Variants in SAXO1 observed in about 807,000 individuals in gnomAD.
SAXO1 encodes the protein stabilizer of axonemal microtubules 1.
A neutral mutation model predicts 17.5 loss-of-function variants in SAXO1; 21 were observed. That is an observed-to-expected ratio of 1.20 (90% CI 0.85 to 1.72). The LOEUF is 1.72. SAXO1 is among the 40% of genes most tolerant of loss of function. The pLI is 0.00. For missense variants in SAXO1, 843 were observed against 596.0 expected (o/e 1.41, Z -4.32); for synonymous variants, 274 against 216.5 (o/e 1.27, Z -2.33).
chr9:19,016,412 G>GAGTGCACATTTTTGATT (rs1834977235), intron 1 of SAXO1, among the ~76,000 whole-genome samples: 1 of 152,068 alleles, frequency 6.6e-6, no homozygotes, highest in African/African-American at 2.4e-5. Context: ...CTCCAGCATG[G>GAGTGCACATTTTTGATT]GCGACAGAGC....
At chr9:18,975,833 T>C (rs747468456) in intron 1 of SAXO1, among the ~76,000 whole-genome samples, 1 of 152,170 alleles carries the variant, frequency 6.6e-6, no homozygotes, top group Non-Finnish European at 1.5e-5. Context: ...CTGAAAGTTG[T>C]GCTGAGCGAA....
intron 1 of SAXO1, among the ~76,000 whole-genome samples, chr9:18,955,027 G>A (rs1056052175): frequency 4.0e-5 from 6 of 151,854 alleles, no homozygotes; most frequent in African/African-American, 1.5e-4. Flanking sequence ...TATTATAGTA[G>A]CCACATTAGA....
At chr9:18,932,035 C>G (rs556263831) in intron 3 of SAXO1, among the ~76,000 whole-genome samples, 2 of 152,294 alleles carry the variant, frequency 1.3e-5, no homozygotes, top group South Asian at 4.1e-4. Context: ...TGGTGTCTTT[C>G]TAAGTGCCCA....
chr9:18,947,199 A>T (rs1831831879), intron 2 of SAXO1, among the ~76,000 whole-genome samples: 4 of 152,232 alleles, frequency 2.6e-5, no homozygotes. Flanking sequence ...TACAGCTCTG[A>T]GTAAGAGAGT....
chr9:18,961,861 G>C (rs1016627566), intron 1 of SAXO1, among the ~76,000 whole-genome samples: 7 of 152,214 alleles, frequency 4.6e-5, no homozygotes, highest in Middle Eastern at 6.8e-3. Context: ...CCCAGTAATG[G>C]GATTGCTGGG....
At chr9:19,018,822 T>G (rs1043822968) in intron 1 of SAXO1, among the ~76,000 whole-genome samples, 1 of 152,166 alleles carries the variant, frequency 6.6e-6, no homozygotes, top group East Asian at 1.9e-4. Flanking sequence ...CTTAAGAACC[T>G]TCTTATGCCG....
At chr9:19,041,378 A>G (rs1836075612) in intron 1 of SAXO1, among the ~76,000 whole-genome samples, 1 of 152,200 alleles carries the variant, frequency 6.6e-6, no homozygotes, top group Non-Finnish European at 1.5e-5. Flanking sequence ...ACCCAAAGCA[A>G]TCTACAGATT....
rs992090733 is a variant in SAXO1 at position 18,955,730 on chromosome 9, G to A, written c.39-4793C>T. Among the ~76,000 whole-genome samples, 15 of 152,112 alleles carry A rather than the reference G, an allele frequency of 9.9e-5. No individual in the cohort carries two copies. In the East Asian group the frequency reaches 2.9e-3, roughly 29 times the overall value. On this transcript the variant is annotated intron_variant, in intron 1 of 3. Transcript: ENST00000380534. ...GTTTTATGCACTTGGAACACTAGCT[G>A]CAGCTGCTCACTTTCCTGCCACTCT...
At chr9:19,005,725 T>A (rs1834457670) in intron 1 of SAXO1, among the ~76,000 whole-genome samples, 1 of 152,204 alleles carries the variant, frequency 6.6e-6, no homozygotes, top group South Asian at 2.1e-4. Context: ...TGGCAATGAT[T>A]TCTTGGCTAT....
Position 18,928,583 on chromosome 9 carries a change from T to A in SAXO1, c.894A>T (p.Glu298Asp). ...SKAPITYVPP[E>D]DRMDLLTTVQ... The stretch of plus-strand genomic sequence containing the variant: ...CTGTTGTCAGAAGATCCATCCTGTC[T>A]TCGGGAGGGACGTAGGTGATGGGAG... The change falls in exon 4 of 4, where the codon GAA (glutamate) becomes GAT (aspartate). Residue 298 changes from glutamate to aspartate, a missense_variant. Physicochemically the swap from Glu to Asp is conservative, Grantham distance 45. Coordinates refer to ENST00000380534, the MANE Select transcript of SAXO1 (RefSeq NM_153707.4). 6.2e-7 allele frequency: 1 copy of A among 1,614,114 alleles called. No individual in the cohort carries two copies. The highest frequency in any genetic ancestry group is 8.5e-7 in the Non-Finnish European group (1 of 1,180,018).
intron 1 of SAXO1, among the ~76,000 whole-genome samples, chr9:19,022,863 CAATA>C (rs1563987633): frequency 6.6e-6 from 1 of 152,084 alleles, no homozygotes; most frequent in East Asian, 1.9e-4. Flanking sequence ...CTGGTAAAGA[CAATA>C]AAACAGAATA....
Position 19,005,713 on chromosome 9 carries a change from T to C in SAXO1, c.38+27158A>G, listed in dbSNP as rs72696417. Among the ~76,000 whole-genome samples the C allele has an allele frequency of 8.0e-3, 1,217 of 152,280 alleles. 7 individuals are homozygous for C. The highest frequency in any genetic ancestry group is 0.012 in the Non-Finnish European group (789 of 68,014). On this transcript the variant is annotated intron_variant, in intron 1 of 3. Coordinates refer to ENST00000380534, the MANE Select transcript of SAXO1 (RefSeq NM_153707.4). ...CATAGGGAAAAATCATGACATTGGA[T>C]TTGGCAATGATTTCTTGGCTATGAC...
chr9:18,955,779 C>A (rs1395968654), intron 1 of SAXO1, among the ~76,000 whole-genome samples: 2 of 152,090 alleles, frequency 1.3e-5, no homozygotes, highest in Admixed American at 6.6e-5. Flanking sequence ...CTTCAAGGCC[C>A]ATCTTCAATG....
chr9:18,965,019 T>C (rs183429756), intron 1 of SAXO1, among the ~76,000 whole-genome samples: 7 of 152,368 alleles, frequency 4.6e-5, no homozygotes, highest in Non-Finnish European at 7.3e-5. Context: ...ATTTACCCAG[T>C]AGACATTCAG....
intron 1 of SAXO1, among the ~76,000 whole-genome samples, chr9:19,013,538 G>A (rs957956577): frequency 5.1e-5 from 7 of 135,946 alleles, no homozygotes; most frequent in African/African-American, 1.7e-4. Context: ...CTAAAAGTAC[G>A]GATTTTTTTT....
chr9:19,000,492 G>A (rs1834217948), intron 1 of SAXO1, among the ~76,000 whole-genome samples: 1 of 150,420 alleles, frequency 6.6e-6, no homozygotes. Context: ...CCCGCCCACT[G>A]CCCTGTCTGG....
chr9:18,966,996 A>T (rs1000554250), intron 1 of SAXO1, among the ~76,000 whole-genome samples: 29 of 152,302 alleles, frequency 1.9e-4, no homozygotes, highest in Admixed American at 7.2e-4. Context: ...TCTAATAGTC[A>T]AGCCCCTCTT....
intron 3 of SAXO1, among the ~76,000 whole-genome samples, chr9:18,936,898 A>G (rs939335986): frequency 5.9e-5 from 9 of 152,234 alleles, no homozygotes; most frequent in African/African-American, 2.2e-4. Context: ...ACCCCAGTAA[A>G]GGTGCTGGCC....
intron 1 of SAXO1, among the ~76,000 whole-genome samples, chr9:19,005,392 A>G (rs1182124121): frequency 6.6e-6 from 1 of 152,220 alleles, no homozygotes; most frequent in Non-Finnish European, 1.5e-5. Flanking sequence ...TTACAAAGCT[A>G]TGTAATCAAA....
Sources: gnomAD v4.1 joint callset for allele counts (sites outside exome capture counted in the v4.1 genomes callset) on GRCh38, gnomAD v4.1.1 for gene constraint, MANE v1.5 for transcripts, NCBI Gene and HGNC (gene_info 2026-07-23, HGNC 2026-07-21) for gene names.